The following PPP1R7 variants were observed in gnomAD, a reference collection of about 807,000 sequenced individuals.
PPP1R7 encodes protein phosphatase 1 regulatory subunit 7.
Under a neutral mutation model 45.2 loss-of-function variants are expected in PPP1R7, and 18 were observed. That is an observed-to-expected ratio of 0.40 (90% CI 0.28 to 0.59). The LOEUF (loss-of-function observed/expected upper bound fraction) is 0.59. Ranked by LOEUF, PPP1R7 falls within the 20% of genes least tolerant of loss-of-function variation. PPP1R7 has a pLI of 0.46. For synonymous variants in PPP1R7, 181 were observed against 183.4 expected (o/e 0.99, Z 0.11); for missense variants, 314 against 455.8 (o/e 0.69, Z 2.83).
chr2:241,167,260 G>A (rs776014409), intron 8 of PPP1R7: 2 of 461,188 alleles, frequency 4.3e-6, no homozygotes, highest in Non-Finnish European at 7.4e-6. Context: ...TCTCATTAAA[G>A]GCCTTTGTGC....
rs2068041053 is a variant in PPP1R7, at chr2:241,183,294, C to T, written c.*471C>T. ...ACCGAGGTTTTTTAGTCTTTTAACC[C>T]AGCCATTTTCAATTTTTTAAAAATT... On this transcript the variant is annotated 3_prime_UTR_variant, in exon 10 of 10. Transcript: ENST00000234038. The T allele has an allele frequency of 4.7e-6, 2 of 429,246 alleles. No homozygotes were observed. The highest frequency in any genetic ancestry group is 3.5e-5 in the South Asian group (2 of 57,498). The allele number at this position is 429,246 out of a possible 1,614,324, so 26.6% of individuals were successfully genotyped here. A position where few individuals can be genotyped will look rare whatever the true frequency, so the allele number is the denominator to read the frequency against.
At chr2:241,164,117 A>G (rs534987044) in intron 7 of PPP1R7, among the ~76,000 whole-genome samples, 2 of 151,954 alleles carry the variant, frequency 1.3e-5, no homozygotes, top group Non-Finnish European at 2.9e-5. Flanking sequence ...GGGTTTCCCT[A>G]TGTTGCCCAG....
upstream of PPP1R7, chr2:241,150,330 C>G (rs917806674): frequency 3.0e-6 from 4 of 1,324,412 alleles, no homozygotes; most frequent in East Asian, 6.3e-5. Context: ...GGCGCGCGGC[C>G]TCATGACGGA....
chr2:241,178,641 T>A (rs60108839), intron 9 of PPP1R7, among the ~76,000 whole-genome samples: 1 of 9,204 alleles, frequency 1.1e-4, no homozygotes, highest in Admixed American at 8.3e-4. Context: ...TTTTTTTTTT[T>A]AGACGGAGTC....
Position 241,182,946 on chromosome 2 carries a change from A to C in PPP1R7, c.*123A>C. ...ACAGTCACAAACCCAATGGCAATAA[A>C]GGCACTGACGATAGCTGGCGCGCGC... On this transcript the variant is annotated 3_prime_UTR_variant, in exon 10 of 10. Coordinates refer to ENST00000234038, the MANE Select transcript of PPP1R7 (RefSeq NM_002712.3). The C allele has an allele frequency of 8.5e-7, 1 of 1,172,568 alleles. No homozygotes were observed. The highest frequency in any genetic ancestry group is 1.2e-6 in the Non-Finnish European group (1 of 848,100). 72.6% of individuals were successfully genotyped at this position (1,172,568 alleles called of 1,614,324 possible). A position where few individuals can be genotyped will look rare whatever the true frequency, so the allele number is the denominator to read the frequency against.
intron 9 of PPP1R7, among the ~76,000 whole-genome samples, chr2:241,176,579 TC>T (rs2067911476): frequency 6.6e-6 from 1 of 151,822 alleles, no homozygotes; most frequent in South Asian, 2.1e-4. Flanking sequence ...TGCCTCAGCC[TC>T]CCAAGTAGTT....
At chr2:241,151,539 ACTG>A (rs1455832195) in intron 1 of PPP1R7, 1 of 471,190 alleles carries the variant, frequency 2.1e-6, no homozygotes. Context: ...GACGGAGAAA[ACTG>A]CTGTCAAAAG....
chr2:241,166,290 C>T (rs756735921), intron 7 of PPP1R7, 47 bp from the exon 8 acceptor site: 1 of 1,475,472 alleles, frequency 6.8e-7, no homozygotes, highest in Non-Finnish European at 9.4e-7. Flanking sequence ...CGTTTCATTT[C>T]ATACCTTCTG....
intron 7 of PPP1R7, among the ~76,000 whole-genome samples, chr2:241,165,785 G>A (rs369593741): frequency 1.2e-4 from 18 of 151,308 alleles, no homozygotes; most frequent in African/African-American, 4.4e-4. Flanking sequence ...TTTTCGTAGA[G>A]ACGGGGTTTC....
chr2:241,167,845 T>C (rs1354518835), intron 8 of PPP1R7, among the ~76,000 whole-genome samples: 1 of 152,228 alleles, frequency 6.6e-6, no homozygotes. Flanking sequence ...TTTTTTCAAC[T>C]AAAGATCAGA....
intron 6 of PPP1R7, among the ~76,000 whole-genome samples, chr2:241,162,849 A>AT (rs1275750264): frequency 2.0e-5 from 3 of 151,900 alleles, no homozygotes; most frequent in Non-Finnish European, 4.4e-5. Context: ...CGCCCAGCTA[A>AT]TTTTTTTGTA....
chr2:241,150,104 G>GC (rs1231845482), upstream of PPP1R7: 4 of 1,262,740 alleles, frequency 3.2e-6, no homozygotes, highest in Admixed American at 1.2e-4. Flanking sequence ...GATCCGCCTG[G>GC]CCCGCGGCCC....
chr2:241,172,134 C>T (rs2067827024), intron 9 of PPP1R7, among the ~76,000 whole-genome samples: 4 of 144,110 alleles, frequency 2.8e-5, no homozygotes, highest in Admixed American at 1.4e-4. Flanking sequence ...TTACTCTTTC[C>T]TACCTACTTT....
intron 4 of PPP1R7, 101 bp from the exon 5 acceptor site, chr2:241,159,112 C>T (rs997799151): frequency 6.7e-5 from 93 of 1,379,928 alleles, no homozygotes; most frequent in Non-Finnish European, 7.9e-5. Flanking sequence ...AAGACATGTC[C>T]TTCTACCAGA....
At chr2:241,167,802 C>T (rs1183995198) in intron 8 of PPP1R7, among the ~76,000 whole-genome samples, 1 of 152,188 alleles carries the variant, frequency 6.6e-6, no homozygotes, top group Non-Finnish European at 1.5e-5. Flanking sequence ...TAATCTTCAT[C>T]ATGATCAAAT....
At chr2:241,152,235 A>G (rs990436975) in intron 1 of PPP1R7, among the ~76,000 whole-genome samples, 2 of 152,264 alleles carry the variant, frequency 1.3e-5, no homozygotes, top group African/African-American at 4.8e-5. Flanking sequence ...TCCCTTCCAC[A>G]GACTAGGAGA....
intron 7 of PPP1R7, among the ~76,000 whole-genome samples, chr2:241,164,128 G>A (rs1229422541): frequency 2.0e-5 from 3 of 151,980 alleles, no homozygotes; most frequent in African/African-American, 7.3e-5. Flanking sequence ...TGTTGCCCAG[G>A]GTGGTCTTGA....
chr2:241,150,876 G>T (rs1252091348), intron 1 of PPP1R7, among the ~76,000 whole-genome samples: 1 of 152,204 alleles, frequency 6.6e-6, no homozygotes, highest in African/African-American at 2.4e-5. Flanking sequence ...ATTGACGGGC[G>T]GGGGAGCCTC....
intron 5 of PPP1R7, among the ~76,000 whole-genome samples, chr2:241,159,645 C>T (rs888939371): frequency 1.3e-5 from 2 of 152,114 alleles, no homozygotes; most frequent in Admixed American, 6.5e-5. Flanking sequence ...ATACTGAGAT[C>T]GGTAGAGAGG....
Sources: allele counts gnomAD v4.1 joint callset (sites outside exome capture counted in the v4.1 genomes callset), GRCh38; gene constraint gnomAD v4.1.1; transcripts MANE v1.5; gene names NCBI Gene and HGNC (gene_info 2026-07-23, HGNC 2026-07-21).